Variants in DAB2IP observed in about 807,000 individuals in gnomAD.
The protein encoded by DAB2IP is DAB2 interacting protein, also known as disabled homolog 2-interacting protein.
A neutral mutation model predicts 107.2 loss-of-function variants in DAB2IP; 28 were observed. The ratio of observed to expected loss-of-function variants is 0.26; its 90% confidence interval spans 0.19 to 0.36. DAB2IP has a LOEUF of 0.36. DAB2IP is among the 10% of genes least tolerant of loss of function. The pLI is 1.00. For missense variants in DAB2IP, 1,400 were observed against 1,644.7 expected, an observed-to-expected ratio of 0.85 and a Z score of 2.57; for synonymous variants, 755 against 706.4, an observed-to-expected ratio of 1.07 and a Z score of -1.09.
At chr9:121,694,012 C>T (rs1413734591) in intron 2 of DAB2IP, among the ~76,000 whole-genome samples, 1 of 152,138 alleles carries the variant, frequency 6.6e-6, no homozygotes, top group Non-Finnish European at 1.5e-5. Context: ...CAGCACTGGG[C>T]AAGGTTCCCC....
At chr9:121,712,980 T>C (rs1267492681) in intron 3 of DAB2IP, among the ~76,000 whole-genome samples, 1 of 152,220 alleles carries the variant, frequency 6.6e-6, no homozygotes, top group Non-Finnish European at 1.5e-5. Context: ...TGGGGAGCTC[T>C]TTCCACCTGG....
rs1833436773 is a variant in DAB2IP, at chr9:121,755,798, A to G, written c.363-1215A>G. Among the ~76,000 whole-genome samples, 3 of 152,152 alleles carry G rather than the reference A, an allele frequency of 2.0e-5. No homozygotes were observed. In the South Asian group the frequency reaches 6.2e-4, roughly 32 times the overall value. On this transcript the variant is annotated intron_variant, in intron 3 of 15. Coordinates refer to ENST00000408936, the Ensembl canonical transcript of DAB2IP. Reference sequence around the variant, plus strand: ...GCAGAAATGAGTGTACAGGGTATGCATCCTACAGGGAAGTGTCTGGTGGCT... The same window carrying G: ...GCAGAAATGAGTGTACAGGGTATGCGTCCTACAGGGAAGTGTCTGGTGGCT...
chr9:121,707,527 A>G (rs1241279742), intron 3 of DAB2IP, among the ~76,000 whole-genome samples: 1 of 152,166 alleles, frequency 6.6e-6, no homozygotes, highest in Non-Finnish European at 1.5e-5. Context: ...CTGTCGCCCT[A>G]ACTTTTCTGG....
At chr9:121,693,226 C>A (rs1362798634) in intron 2 of DAB2IP, among the ~76,000 whole-genome samples, 2 of 152,210 alleles carry the variant, frequency 1.3e-5, no homozygotes, top group Non-Finnish European at 2.9e-5. Flanking sequence ...CCCTCTGGGC[C>A]TCAGATGTCT....
chr9:121,745,214 C>G (rs767544445), intron 3 of DAB2IP, among the ~76,000 whole-genome samples: 2 of 152,136 alleles, frequency 1.3e-5, no homozygotes, highest in Non-Finnish European at 2.9e-5. Context: ...CAGAGACAGC[C>G]CTACGTGCCC....
chr9:121,721,109 T>A (rs560509616), intron 3 of DAB2IP, among the ~76,000 whole-genome samples: 1 of 152,306 alleles, frequency 6.6e-6, no homozygotes, highest in South Asian at 2.1e-4. Flanking sequence ...TCCGGCCACC[T>A]TTTTTAGAAG....
At chr9:121,657,928 G>A (rs779258968) in intron 1 of DAB2IP, among the ~76,000 whole-genome samples, 59 of 152,164 alleles carry the variant, frequency 3.9e-4, no homozygotes, top group Non-Finnish European at 5.9e-4. Flanking sequence ...GGCCCACAGA[G>A]CCAAGGCCAC....
At chr9:121,642,630 A>G (rs868253938) in intron 1 of DAB2IP, among the ~76,000 whole-genome samples, 20 of 151,180 alleles carry the variant, frequency 1.3e-4, no homozygotes, top group Admixed American at 5.3e-4. Context: ...AAAAAAAAAA[A>G]AAAAAGAACA....
intron 3 of DAB2IP, among the ~76,000 whole-genome samples, chr9:121,700,116 T>C (rs6478525): frequency 0.99 from 151,269 of 152,290 alleles, 75,136 homozygotes; most frequent in East Asian, 1. Context: ...GCTTCTCTCC[T>C]TCCCTCACCT....
Position 121,633,159 on chromosome 9 carries a change from C to T in DAB2IP, c.41-45519C>T, listed in dbSNP as rs1831955434. Among the ~76,000 whole-genome samples the T allele has an allele frequency of 6.6e-6, 1 of 152,190 alleles. No individual in the cohort carries two copies. Among genetic ancestry groups the T allele is most frequent in the Non-Finnish European group, 1.5e-5 (1 of 68,036 alleles). ...TCTCAAATTGTGCACTATTAAACTC[C>T]TGAAAAATTCATGAGCACGCTGGGA... On this transcript the variant is annotated intron_variant, in intron 1 of 16. Transcript: ENST00000259371. This position sits in a 1 kb window ranked among gnomAD's most constrained non-coding sequence, Gnocchi z 5.1.
At chr9:121,571,920 G>A (rs1006067369) in intron 1 of DAB2IP, among the ~76,000 whole-genome samples, 6 of 152,168 alleles carry the variant, frequency 3.9e-5, no homozygotes, top group African/African-American at 1.2e-4. Context: ...TCGGAAACTC[G>A]GCACTAACCC....
At chr9:121,614,491 C>T (rs2118982272) in intron 1 of DAB2IP, among the ~76,000 whole-genome samples, 1 of 151,750 alleles carries the variant, frequency 6.6e-6, no homozygotes, top group South Asian at 2.1e-4. Context: ...CAGGCATGTG[C>T]CACCATGCCT....
intron 3 of DAB2IP, among the ~76,000 whole-genome samples, chr9:121,707,935 A>G (rs111386391): frequency 1.2e-3 from 177 of 152,304 alleles, no homozygotes; most frequent in African/African-American, 4.1e-3. Context: ...TCGTCAGGAA[A>G]CTAAGTGGCT....
chr9:121,692,303 G>GTA (rs1829204430), intron 2 of DAB2IP, among the ~76,000 whole-genome samples: 1 of 152,150 alleles, frequency 6.6e-6, no homozygotes, highest in East Asian at 1.9e-4. Context: ...TGATCAATGT[G>GTA]TATGTGTTTG....
intron 8 of DAB2IP, 141 bp downstream of exon 8, chr9:121,764,020 C>G: frequency 8.3e-7 from 1 of 1,203,160 alleles, no homozygotes; most frequent in Non-Finnish European, 1.1e-6. Context: ...CCCTTTTGAG[C>G]TCTCAGGTGG....
chr9:121,764,235 C>T (rs141355438), intron 8 of DAB2IP, among the ~76,000 whole-genome samples: 65 of 152,330 alleles, frequency 4.3e-4, no homozygotes, highest in African/African-American at 5.3e-4. Flanking sequence ...CTCACCTGTC[C>T]GTGGGAGCTA....
At chr9:121,620,748 G>A (rs962962402) in intron 1 of DAB2IP, among the ~76,000 whole-genome samples, 4 of 152,010 alleles carry the variant, frequency 2.6e-5, no homozygotes, top group Admixed American at 6.5e-5. Flanking sequence ...TGTTGACACC[G>A]CTTGACCCTC....
intron 1 of DAB2IP, among the ~76,000 whole-genome samples, chr9:121,667,075 A>G (rs1833473184): frequency 6.6e-6 from 1 of 152,158 alleles, no homozygotes; most frequent in African/African-American, 2.4e-5. Context: ...CAGTGGTGCC[A>G]TCTTGGCTCA....
intron 1 of DAB2IP, among the ~76,000 whole-genome samples, chr9:121,674,253 G>A (rs1833798027): frequency 1.3e-5 from 2 of 152,210 alleles, no homozygotes; most frequent in African/African-American, 4.8e-5. Context: ...CAAACCACAT[G>A]GAAGTTGAGG....
Sources: gnomAD v4.1 joint callset for allele counts (sites outside exome capture counted in the v4.1 genomes callset) on GRCh38, gnomAD v4.1.1 for gene constraint, Gnocchi (gnomAD v3.1) non-coding constraint, MANE v1.5 for transcripts, NCBI Gene and HGNC (gene_info 2026-07-23, HGNC 2026-07-21) for gene names.